The following SLC25A21 variants were observed in gnomAD, a reference collection of about 807,000 sequenced individuals.
The protein encoded by SLC25A21 is solute carrier family 25 member 21.
In SLC25A21, 47 loss-of-function variants were observed where a neutral mutation model predicts 43.8. The observed-to-expected ratio is 1.07, with a 90% CI of 0.85 to 1.37. The LOEUF (loss-of-function observed/expected upper bound fraction) is 1.37. Among genes scored for constraint, SLC25A21 ranks in the 40% most tolerant of loss-of-function variants. The pLI, the probability that SLC25A21 is intolerant of heterozygous loss-of-function variation, is 0.00. For missense variants in SLC25A21, 352 were observed against 350.2 expected, an observed-to-expected ratio of 1.00 and a Z score of -0.04; for synonymous variants, 131 against 121.3, an observed-to-expected ratio of 1.08 and a Z score of -0.52.
intron 1 of SLC25A21, among the ~76,000 whole-genome samples, chr14:37,110,737 T>C (rs1245722079): frequency 2.6e-5 from 4 of 152,164 alleles, no homozygotes; most frequent in African/African-American, 7.2e-5. Context: ...GCAATGAAAC[T>C]CTTTCACTCC....
At chr14:36,891,175 T>C (rs1378716663) in intron 1 of SLC25A21, among the ~76,000 whole-genome samples, 1 of 152,188 alleles carries the variant, frequency 6.6e-6, no homozygotes, top group Non-Finnish European at 1.5e-5. Context: ...ATATAAAATG[T>C]ATTAGCACTA....
intron 3 of SLC25A21, among the ~76,000 whole-genome samples, chr14:36,783,190 TCTTA>T (rs1887133006): frequency 7.4e-6 from 1 of 135,676 alleles, no homozygotes; most frequent in African/African-American, 2.8e-5. Context: ...CTGCAAATGC[TCTTA>T]CTATCTTGGG....
At chr14:37,041,710 T>G (rs1961476424) in intron 1 of SLC25A21, among the ~76,000 whole-genome samples, 1 of 152,214 alleles carries the variant, frequency 6.6e-6, no homozygotes, top group Non-Finnish European at 1.5e-5. Flanking sequence ...TCCAGCCATG[T>G]GCTTAAATAT....
intron 1 of SLC25A21, among the ~76,000 whole-genome samples, chr14:37,123,142 G>T (rs1334384865): frequency 6.6e-6 from 1 of 152,136 alleles, no homozygotes; most frequent in Non-Finnish European, 1.5e-5. Context: ...TCAGCATTTG[G>T]AAAAAGAAAA....
intron 1 of SLC25A21, among the ~76,000 whole-genome samples, chr14:37,009,079 C>T (rs1427581761): frequency 6.6e-6 from 1 of 152,192 alleles, no homozygotes; most frequent in Admixed American, 6.5e-5. Flanking sequence ...TTTTCCCCTA[C>T]CCCTACCCCA....
At chr14:37,009,265 ATCATATGAGG>A (rs1960676889) in intron 1 of SLC25A21, among the ~76,000 whole-genome samples, 1 of 152,178 alleles carries the variant, frequency 6.6e-6, no homozygotes, top group South Asian at 2.1e-4. Context: ...AGGTGGGTGA[ATCATATGAGG>A]TCAGGAGTTT....
At chr14:37,144,610 G>A (rs923798293) in intron 1 of SLC25A21, among the ~76,000 whole-genome samples, 3 of 152,098 alleles carry the variant, frequency 2.0e-5, no homozygotes, top group African/African-American at 4.8e-5. Flanking sequence ...ATGAAATCCA[G>A]GTTTGAGCAC....
intron 1 of SLC25A21, among the ~76,000 whole-genome samples, chr14:37,063,267 A>C (rs1157701922): frequency 6.6e-6 from 1 of 152,128 alleles, no homozygotes; most frequent in African/African-American, 2.4e-5. Flanking sequence ...TGGGAGGCCG[A>C]GATGGGTGGA....
intron 1 of SLC25A21, among the ~76,000 whole-genome samples, chr14:37,104,893 T>C (rs189844786): frequency 1.6e-3 from 243 of 152,328 alleles, no homozygotes; most frequent in Middle Eastern, 0.01. Flanking sequence ...CTGTGATCTC[T>C]TGCATAGCCT....
intron 1 of SLC25A21, among the ~76,000 whole-genome samples, chr14:36,923,265 T>C (rs1892031258): frequency 6.6e-6 from 1 of 152,194 alleles, no homozygotes; most frequent in Non-Finnish European, 1.5e-5. Flanking sequence ...AGCACAATTC[T>C]TATCAGAAAT....
chr14:36,882,213 T>C (rs1035515806), intron 1 of SLC25A21, among the ~76,000 whole-genome samples: 6 of 152,022 alleles, frequency 3.9e-5, no homozygotes, highest in African/African-American at 1.4e-4. Context: ...TAAAACCCCA[T>C]CTCTACAAAA....
At chr14:36,851,189 C>A (rs1025357577) in intron 2 of SLC25A21, among the ~76,000 whole-genome samples, 1 of 152,068 alleles carries the variant, frequency 6.6e-6, no homozygotes, top group Non-Finnish European at 1.5e-5. Context: ...GTAAGATAAC[C>A]TGGGAGCCAT....
chr14:37,109,628 C>G (rs1962982312), intron 1 of SLC25A21, among the ~76,000 whole-genome samples: 1 of 152,124 alleles, frequency 6.6e-6, no homozygotes, highest in Non-Finnish European at 1.5e-5. Flanking sequence ...GTTGTGCAGT[C>G]AGGAGACCTA....
At chr14:37,097,905 A>G (rs1438835007) in intron 1 of SLC25A21, 1 of 151,934 alleles carries the variant, frequency 6.6e-6, no homozygotes, top group Non-Finnish European at 1.5e-5. Context: ...ATAATAATCA[A>G]TCAATAGATG....
At chr14:37,067,751 C>T (rs1431713153) in intron 1 of SLC25A21, among the ~76,000 whole-genome samples, 2 of 152,186 alleles carry the variant, frequency 1.3e-5, no homozygotes, top group Non-Finnish European at 2.9e-5. Context: ...CTATCAAATA[C>T]AAATCCTATC....
intron 7 of SLC25A21, among the ~76,000 whole-genome samples, chr14:36,691,018 A>G (rs2079446622): frequency 6.6e-6 from 1 of 152,218 alleles, no homozygotes; most frequent in Admixed American, 6.5e-5. Flanking sequence ...AGCCCTTTGT[A>G]TATTTAAGCC....
chr14:36,684,157 A>C (rs758255832), intron 8 of SLC25A21, among the ~76,000 whole-genome samples: 6 of 152,190 alleles, frequency 3.9e-5, no homozygotes, highest in Non-Finnish European at 7.4e-5. Context: ...TCTTACTTTC[A>C]AGACAGCTGT....
At chr14:36,828,405 T>C (rs940285835) in intron 2 of SLC25A21, 4 of 152,152 alleles carry the variant, frequency 2.6e-5, no homozygotes, top group Non-Finnish European at 5.9e-5. Flanking sequence ...CGTTTTCTTT[T>C]TTGTTTCACC....
At position 36,814,082 on chromosome 14, in the gene SLC25A21, T is replaced by C. The variant is rs1159226907; in HGVS notation, c.120-81A>G. 5 of 854,630 alleles carry C rather than the reference T, an allele frequency of 5.9e-6. No homozygotes were observed. In the Admixed American group the frequency reaches 1.3e-4, roughly 21 times the overall value. 52.9% of individuals were successfully genotyped at this position (854,630 alleles called of 1,614,324 possible). ...TCTCATTTTTTAAAGTCTTAGAAACTCAGCTTTTCAGATTAATCTAGAATA... is the reference window on the plus strand; with the variant it reads ...TCTCATTTTTTAAAGTCTTAGAAACCCAGCTTTTCAGATTAATCTAGAATA... On this transcript the variant is annotated intron_variant, in intron 2 of 9. Coordinates refer to ENST00000331299, the MANE Select transcript of SLC25A21 (RefSeq NM_030631.4).
Sources: gnomAD v4.1 joint callset for allele counts (sites outside exome capture counted in the v4.1 genomes callset) on GRCh38, gnomAD v4.1.1 for gene constraint, MANE v1.5 for transcripts, NCBI Gene and HGNC (gene_info 2026-07-23, HGNC 2026-07-21) for gene names.